CLDN14: variants seen among roughly 807,000 people sequenced by gnomAD.
CLDN14 encodes claudin-14.
CLDN14 carries 2 observed loss-of-function variants against 2.1 expected under a neutral mutation model. The observed-to-expected ratio is 0.96, with a 90% CI of 0.39 to 3.01. CLDN14 has a LOEUF of 3.01. Ranked by LOEUF, CLDN14 falls within the 30% of genes most tolerant of loss-of-function variation. The pLI, the probability that CLDN14 is intolerant of heterozygous loss-of-function variation, is 0.09. For synonymous variants in CLDN14, 136 were observed against 154.4 expected, an observed-to-expected ratio of 0.88 and a Z score of 0.88; for missense variants, 298 against 328.0, an observed-to-expected ratio of 0.91 and a Z score of 0.71.
At chr21:36,542,352 A>G (rs1413326671) in intron 1 of CLDN14, among the ~76,000 whole-genome samples, 1 of 152,226 alleles carries the variant, frequency 6.6e-6, no homozygotes. Flanking sequence ...TTGGGAGAGC[A>G]AGGCTCATAT....
chr21:36,467,291 C>T (rs915173223), intron 1 of CLDN14, among the ~76,000 whole-genome samples: 1 of 152,194 alleles, frequency 6.6e-6, no homozygotes, highest in African/African-American at 2.4e-5. Flanking sequence ...GCTGCGTCAA[C>T]TTTGGCTCCA....
At chr21:36,508,820 A>G (rs958792320) in intron 2 of CLDN14, among the ~76,000 whole-genome samples, 1 of 152,108 alleles carries the variant, frequency 6.6e-6, no homozygotes, top group East Asian at 1.9e-4. Flanking sequence ...AGTGTGGGAG[A>G]TGGAAGGTTC....
At chr21:36,519,748 A>G (rs1365243555) in intron 1 of CLDN14, among the ~76,000 whole-genome samples, 1 of 152,050 alleles carries the variant, frequency 6.6e-6, no homozygotes, top group Non-Finnish European at 1.5e-5. Flanking sequence ...CCCCAAAAAC[A>G]AAAAAACCCA....
At chr21:36,569,757 C>G (rs1206039479) in intron 1 of CLDN14, among the ~76,000 whole-genome samples, 1 of 152,184 alleles carries the variant, frequency 6.6e-6, no homozygotes, top group East Asian at 1.9e-4. Flanking sequence ...TGGGCAGCCT[C>G]CCAACCCAAG....
At chr21:36,529,338 G>C (rs554412186) in intron 1 of CLDN14, among the ~76,000 whole-genome samples, 13 of 151,976 alleles carry the variant, frequency 8.6e-5, no homozygotes, top group African/African-American at 2.4e-4. Flanking sequence ...GCCCAGGCTA[G>C]AGTGCAGTGG....
intron 1 of CLDN14, among the ~76,000 whole-genome samples, chr21:36,532,942 C>A (rs953639019): frequency 2.6e-5 from 4 of 152,164 alleles, no homozygotes; most frequent in Non-Finnish European, 5.9e-5. Flanking sequence ...CATCCTGTAT[C>A]ATGGGCTATC....
intron 1 of CLDN14, among the ~76,000 whole-genome samples, chr21:36,550,625 C>G (rs374531728): frequency 4.6e-5 from 7 of 152,218 alleles, no homozygotes; most frequent in African/African-American, 1.7e-4. Flanking sequence ...GGATCACATG[C>G]TCCCAGTCCC....
intron 1 of CLDN14, among the ~76,000 whole-genome samples, chr21:36,573,073 A>G (rs941524557): frequency 3.9e-5 from 6 of 152,306 alleles, no homozygotes; most frequent in African/African-American, 1.2e-4. Flanking sequence ...AGGCCGAGGC[A>G]GGTGGATCAC....
intron 1 of CLDN14, 85 bp from the exon 2 acceptor site, chr21:36,461,861 C>T: frequency 1.1e-6 from 1 of 947,004 alleles, no homozygotes; most frequent in South Asian, 1.7e-5. Context: ...GTCACCGAAA[C>T]CAAGTTTTTC....
intron 2 of CLDN14, among the ~76,000 whole-genome samples, chr21:36,492,625 T>A (rs191174381): frequency 6.6e-6 from 1 of 151,926 alleles, no homozygotes; most frequent in Admixed American, 6.6e-5. Context: ...CAAGACCCTG[T>A]CTCAAACAAA....
intron 1 of CLDN14, 23 bp from the exon 2 acceptor site, chr21:36,461,799 G>A (rs1421342459): frequency 2.1e-6 from 3 of 1,451,944 alleles, no homozygotes; most frequent in African/African-American, 2.8e-5. Context: ...AGGGAGGCGG[G>A]AGCAGGGAGA....
intron 1 of CLDN14, among the ~76,000 whole-genome samples, chr21:36,532,702 G>A (rs951626494): frequency 2.0e-5 from 3 of 152,116 alleles, no homozygotes; most frequent in South Asian, 4.1e-4. Flanking sequence ...GGGGTTGAAC[G>A]CCAAAAGGAT....
At chr21:36,573,917 C>T (rs558019964) in intron 1 of CLDN14, among the ~76,000 whole-genome samples, 1 of 151,906 alleles carries the variant, frequency 6.6e-6, no homozygotes, top group Admixed American at 6.6e-5. Flanking sequence ...ATGGAAGAGG[C>T]CTAAATAAAT....
chr21:36,542,038 TC>T (rs1302841030), intron 1 of CLDN14, among the ~76,000 whole-genome samples: 1 of 152,126 alleles, frequency 6.6e-6, no homozygotes, highest in East Asian at 1.9e-4. Context: ...GCTCACTGCA[TC>T]CTTTGCTTCC....
chr21:36,476,082 G>A (rs895962730), intron 1 of CLDN14, among the ~76,000 whole-genome samples: 9 of 152,178 alleles, frequency 5.9e-5, no homozygotes, highest in Non-Finnish European at 1.2e-4. Context: ...GCTGAGTGCA[G>A]GCTCTCTTTG....
At chr21:36,566,827 T>C (rs1488093467) in intron 1 of CLDN14, among the ~76,000 whole-genome samples, 1 of 152,194 alleles carries the variant, frequency 6.6e-6, no homozygotes, top group African/African-American at 2.4e-5. Context: ...GAGCTCAGCC[T>C]CAGCAGGCCC....
chr21:36,470,079 G>A (rs566560424), intron 1 of CLDN14, among the ~76,000 whole-genome samples: 4 of 152,196 alleles, frequency 2.6e-5, no homozygotes, highest in African/African-American at 9.6e-5. Context: ...AAAAAACCCA[G>A]GTGGACATAC....
In CLDN14 at chr21:36,573,027, C is replaced by T. The variant is rs539834625; in HGVS notation, c.-220+3384G>A. Reference sequence around the variant, plus strand: ...TGTAAGAATTGGAGGGGAGGCCGGGCGTGGTGGCTCACGCCTGTAATCCCA... The same window carrying T: ...TGTAAGAATTGGAGGGGAGGCCGGGTGTGGTGGCTCACGCCTGTAATCCCA... On this transcript the variant is annotated intron_variant, in intron 1 of 2. Coordinates refer to the CLDN14 transcript ENST00000342108. 1.2e-4 allele frequency among the ~76,000 whole-genome samples: 18 copies of T among 152,298 alleles called. No individual in the cohort carries two copies. The South Asian group carries it at 1.9e-3, about 16-fold the overall frequency.
rs767528825 is a variant in CLDN14 at position 36,461,170 on chromosome 21, T to C, written c.526A>G (p.Ile176Val). The change falls in exon 2 of 2, where the codon ATT becomes GTT. Residue 176 changes from isoleucine to valine, a missense_variant. Ile to Val is a conservative substitution (Grantham distance 29, BLOSUM62 3). Transcript: ENST00000399135. ...GACAGGCAAAGCAGGGTGCCACCAA[T>C]GAGCGAGAGGGACGAGGAGATGAAG... ...LGFISSSLSL[I>V]GGTLLCLSCQ... 2 of 1,613,678 alleles carry C rather than the reference T, an allele frequency of 1.2e-6. No homozygotes were observed. Among genetic ancestry groups the C allele is most frequent in the African/African-American group, 1.3e-5 (1 of 74,926 alleles).
Sources: allele counts gnomAD v4.1 joint callset (sites outside exome capture counted in the v4.1 genomes callset), GRCh38; gene constraint gnomAD v4.1.1; transcripts MANE v1.5; gene names NCBI Gene and HGNC (gene_info 2026-07-23, HGNC 2026-07-21).